The following SLITRK5 variants were observed in gnomAD, a reference collection of about 807,000 sequenced individuals.
SLITRK5 encodes SLIT and NTRK like family member 5.
Under a neutral mutation model 56.2 loss-of-function variants are expected in SLITRK5, and 23 were observed. The ratio of observed to expected loss-of-function variants is 0.41; its 90% CI spans 0.29 to 0.58. SLITRK5 has a LOEUF of 0.58. Among genes scored for constraint, SLITRK5 ranks in the 20% least tolerant of loss-of-function variants. SLITRK5 has a pLI of 0.30. For missense variants in SLITRK5, 1,289 were observed against 1,226.6 expected (o/e 1.05, Z -0.76); for synonymous variants, 637 against 531.8 (o/e 1.20, Z -2.72).
Position 87,676,951 on chromosome 13 carries a change from C to G in SLITRK5, c.1563C>G (p.Pro521=). The G allele has an allele frequency of 6.2e-7, 1 of 1,614,170 alleles. No individual in the cohort carries two copies. Among genetic ancestry groups the G allele is most frequent in the East Asian group, 2.2e-5 (1 of 44,854 alleles). The change falls in exon 2 of 2, where the codon CCC becomes CCG. Residue 521 remains proline, a synonymous_variant. Coordinates refer to ENST00000683689, the MANE Select transcript of SLITRK5 (RefSeq NM_001384609.1). ...ATAACAACCTCCTGCAGGCCATGCCCTCAGGCGTCTTCTCTGGCTTGACCC... is the reference window on the plus strand; with the variant it reads ...ATAACAACCTCCTGCAGGCCATGCCGTCAGGCGTCTTCTCTGGCTTGACCC... ...FLNNNLLQAM[P]SGVFSGLTLL...
Position 87,675,734 on chromosome 13 carries a change from G to C in SLITRK5, c.346G>C (p.Val116Leu). ...TTCAATTTTGCATCTAGGTAGCAAT[G>C]TTATCCAGGACATTGAGACCGGGGC... is the stretch of plus-strand genomic sequence containing the variant. ...GASILHLGSN[V>L]IQDIETGAFH... The change falls in exon 2 of 2, where the codon GTT becomes CTT. Residue 116 changes from valine to leucine, a missense_variant. By Grantham distance (32) the Val-to-Leu change is conservative. This residue lies in a region of SLITRK5 where 291 missense variants were observed against 286.7 expected (regional missense o/e 1.02). Coordinates refer to ENST00000683689, the MANE Select transcript of SLITRK5 (RefSeq NM_001384609.1). 1.2e-6 allele frequency: 2 copies of C among 1,614,164 alleles called. No homozygotes were observed. The highest frequency in any genetic ancestry group is 1.7e-6 in the Non-Finnish European group (2 of 1,180,030).
rs777262709 is a variant in SLITRK5 at position 87,677,516 on chromosome 13, T to C, written c.2128T>C (p.Phe710Leu). Residue 710 changes from phenylalanine (F) to leucine (L), a missense_variant, in exon 2 of 2, where the codon TTT becomes CTT. Phe to Leu is a conservative substitution (Grantham distance 22). Around this residue, in one of 3 missense-constraint regions of SLITRK5, gnomAD observed 985 missense variants for 906.0 expected, o/e 1.09. Transcript: ENST00000683689. This position sits in a 1 kb window ranked among gnomAD's most constrained non-coding sequence, Gnocchi z 4.7. The stretch of plus-strand genomic sequence containing the variant: ...CACCAACAACTCCGACGTGAGCTCC[T>C]TTAACATGCAGTACAGCGTGTACGG... ...TSTNNSDVSS[F>L]NMQYSVYGGG... 1 of 1,612,102 alleles carries C rather than the reference T, an allele frequency of 6.2e-7. No individual in the cohort carries two copies.
Position 87,678,147 on chromosome 13 carries a change from C to G in SLITRK5, c.2759C>G (p.Pro920Arg), listed in dbSNP as rs777072239. The change falls in exon 2 of 2, where the codon CCG becomes CGG. Residue 920 changes from proline to arginine, a missense_variant. By Grantham distance (103) the Pro-to-Arg change is moderately radical (BLOSUM62 -2). Coordinates refer to ENST00000683689, the MANE Select transcript of SLITRK5 (RefSeq NM_001384609.1). ...CGGGAACCGGTGCTCTACAGCCCCC[C>G]GAGTGCTGTCTTTGTAGAACCCAAC... ...RLREPVLYSPPSAVFVEPNRN... is the reference protein window; with the variant it reads ...RLREPVLYSPRSAVFVEPNRN... 6 of 1,614,050 alleles carry G rather than the reference C, an allele frequency of 3.7e-6. No homozygotes were observed. The highest frequency in any genetic ancestry group is 5.1e-6 in the Non-Finnish European group (6 of 1,180,030).
At chr13:87,674,369 C>A (rs1345074314) in intron 1 of SLITRK5, 1 of 984,846 alleles carries the variant, frequency 1.0e-6, no homozygotes, top group Non-Finnish European at 1.2e-6. Context: ...CCGTGCAAAC[C>A]TTGCTATTAC....
intron 1 of SLITRK5, among the ~76,000 whole-genome samples, chr13:87,674,652 T>G (rs1593971514): frequency 1.3e-5 from 2 of 152,160 alleles, no homozygotes; most frequent in Non-Finnish European, 2.9e-5. Flanking sequence ...GTACCGTGCA[T>G]GCAATTAGGA....
Position 87,676,557 on chromosome 13 carries a change from A to G in SLITRK5, c.1169A>G (p.Asn390Ser). ...CTGCAGATCTCTGATCTGGGCCTCA[A>G]CGTAAACTGCCAGGAGCGAAAGATC... The part of the protein sequence containing the change: ...CNLQISDLGL[N>S]VNCQERKIES... The change falls in exon 2 of 2, where the codon AAC becomes AGC. Residue 390 changes from asparagine to serine, a missense_variant. This residue lies in a region of SLITRK5 where 985 missense variants were observed against 906.0 expected (regional missense o/e 1.09). Transcript: ENST00000683689. 1 of 1,614,152 alleles carries G rather than the reference A, an allele frequency of 6.2e-7. No individual in the cohort carries two copies. The highest frequency in any genetic ancestry group is 8.5e-7 in the Non-Finnish European group (1 of 1,180,026).
rs562548576 is a variant in SLITRK5 at position 87,671,915 on chromosome 13, G to A, written c.-303G>A. 1.3e-4 allele frequency among the ~76,000 whole-genome samples: 20 copies of A among 152,248 alleles called. No individual in the cohort carries two copies. Among genetic ancestry groups the A allele is most frequent in the African/African-American group, 4.6e-4 (19 of 41,558 alleles). ...AGCCGCCGCCTTCGCTGGAGCAGCCGAGGGGCCGGTGCCACCTTTGCTCGC... is the reference window on the plus strand; with the variant it reads ...AGCCGCCGCCTTCGCTGGAGCAGCCAAGGGGCCGGTGCCACCTTTGCTCGC... On this transcript the variant is annotated 5_prime_UTR_variant, in exon 1 of 2. Coordinates refer to ENST00000683689, the MANE Select transcript of SLITRK5 (RefSeq NM_001384609.1).
rs780690054 is a variant in SLITRK5 at position 87,676,049 on chromosome 13, T to C, written c.661T>C (p.Leu221=). The C allele has an allele frequency of 1.2e-5, 19 of 1,614,060 alleles. No individual in the cohort carries two copies. In the Admixed American group the frequency reaches 2.8e-4, roughly 24 times the overall value. Residue 221 remains leucine, a synonymous_variant, in exon 2 of 2, where the codon TTG becomes CTG. Transcript: ENST00000683689. ...RLKLLPYVGL[L]QHMDKVVELQ... Reference sequence around the variant, plus strand: ...GAAACTTCTGCCCTACGTGGGGCTCTTGCAGCACATGGATAAAGTTGTGGA... The same window carrying C: ...GAAACTTCTGCCCTACGTGGGGCTCCTGCAGCACATGGATAAAGTTGTGGA...
Position 87,677,419 on chromosome 13 carries a change from C to A in SLITRK5, c.2031C>A (p.Ser677=), listed in dbSNP as rs371995343. 3.1e-6 allele frequency: 5 copies of A among 1,613,522 alleles called. No individual in the cohort carries two copies. The highest frequency in any genetic ancestry group is 1.7e-5 in the Admixed American group (1 of 60,008). The change falls in exon 2 of 2, where the codon TCC becomes TCA. Residue 677 remains serine (S), a synonymous_variant. Coordinates refer to ENST00000683689, the MANE Select transcript of SLITRK5 (RefSeq NM_001384609.1). This position sits in a 1 kb window ranked among gnomAD's most constrained non-coding sequence, Gnocchi z 4.7. ...ILSLLLVFIM[S]VFVAAGLFVL... ...GCCTCCTGCTGGTTTTCATCATGTCCGTCTTCGTGGCCGCCGGGCTCTTCG... is the reference window on the plus strand; with the variant it reads ...GCCTCCTGCTGGTTTTCATCATGTCAGTCTTCGTGGCCGCCGGGCTCTTCG...
intron 1 of SLITRK5, among the ~76,000 whole-genome samples, chr13:87,673,234 A>T (rs1303910079): frequency 1.3e-5 from 2 of 149,752 alleles, no homozygotes; most frequent in East Asian, 3.9e-4. Flanking sequence ...GAGAATGTTC[A>T]GCGCACCCGC....
intron 1 of SLITRK5, chr13:87,674,381 G>A: frequency 1.0e-6 from 1 of 985,158 alleles, no homozygotes; most frequent in Non-Finnish European, 1.2e-6. Flanking sequence ...TGCTATTACC[G>A]TTGCAAATAG....
At position 87,678,115 on chromosome 13, in the gene SLITRK5, C is replaced by T. The variant is rs748884733; in HGVS notation, c.2727C>T (p.Ser909=). ...HQYLHPGAGD[S]RLREPVLYSP... is the part of the protein sequence containing the mutation. ...ATTTGCACCCGGGGGCAGGGGACAG[C>T]AGGCTACGGGAACCGGTGCTCTACA... The change falls in exon 2 of 2, where the codon AGC becomes AGT. Residue 909 remains serine (S), a synonymous_variant. Transcript: ENST00000683689. The T allele has an allele frequency of 8.7e-6, 14 of 1,614,130 alleles. No homozygotes were observed. The Admixed American group carries it at 1.0e-4, about 12-fold the overall frequency.
chr13:87,675,792 A>C lies in SLITRK5; in HGVS notation c.404A>C (p.His135Pro). 6.2e-7 allele frequency: 1 copy of C among 1,614,124 alleles called. No homozygotes were observed. Residue 135 changes from histidine to proline, a missense_variant, in exon 2 of 2, where the codon CAT becomes CCT. This residue lies in a region of SLITRK5 where 291 missense variants were observed against 286.7 expected (regional missense o/e 1.02). Transcript: ENST00000683689. ...FHGLRGLRRL[H>P]LNNNKLELLR... ...GGGCTACGGGGTTTGAGGAGATTGC[A>C]TCTAAACAATAATAAACTGGAACTT...
At chr13:87,672,406 GCCTCCCCTCCCAGCAGCTCCC>G (rs1877071247) in intron 1 of SLITRK5, among the ~76,000 whole-genome samples, 197 bp downstream of exon 1, 1 of 151,150 alleles carries the variant, frequency 6.6e-6, no homozygotes, top group Admixed American at 6.6e-5. Flanking sequence ...CCCGCTCCGT[GCCTCCCCTCCCAGCAGCTCCC>G]CCTCCCCGCC....
chr13:87,671,922 C>T lies in SLITRK5; in HGVS notation c.-296C>T, dbSNP rs1459861715. 2.6e-5 allele frequency among the ~76,000 whole-genome samples: 4 copies of T among 152,124 alleles called. No homozygotes were observed. Among genetic ancestry groups the T allele is most frequent in the Non-Finnish European group, 5.9e-5 (4 of 68,014 alleles). Reference sequence around the variant, plus strand: ...GCCTTCGCTGGAGCAGCCGAGGGGCCGGTGCCACCTTTGCTCGCCCCCTCA... The same window carrying T: ...GCCTTCGCTGGAGCAGCCGAGGGGCTGGTGCCACCTTTGCTCGCCCCCTCA... On this transcript the variant is annotated 5_prime_UTR_variant, in exon 1 of 2. Coordinates refer to ENST00000683689, the MANE Select transcript of SLITRK5 (RefSeq NM_001384609.1).
chr13:87,672,356 G>A (rs952527654), intron 1 of SLITRK5, among the ~76,000 whole-genome samples, 147 bp downstream of exon 1: 2 of 152,032 alleles, frequency 1.3e-5, no homozygotes, highest in African/African-American at 2.4e-5. Context: ...ACGTTGGCGG[G>A]GCCGGCGGGG....
Position 87,677,934 on chromosome 13 carries a change from A to T in SLITRK5, c.2546A>T (p.Gln849Leu). 6.2e-7 allele frequency: 1 copy of T among 1,613,786 alleles called. No individual in the cohort carries two copies. The highest frequency in any genetic ancestry group is 8.5e-7 in the Non-Finnish European group (1 of 1,179,852). ...CGGGAGGACCTGCTGTCGCCGGTGC[A>T]GGACGCCGACCGCTTTTACAGGGGC... Reference protein sequence around the residue: ...EPREDLLSPVQDADRFYRGIL... With the variant: ...EPREDLLSPVLDADRFYRGIL... The change falls in exon 2 of 2, where the codon CAG becomes CTG. Residue 849 changes from glutamine to leucine, a missense_variant. This residue lies in a region of SLITRK5 where 985 missense variants were observed against 906.0 expected (regional missense o/e 1.09). Coordinates refer to ENST00000683689, the MANE Select transcript of SLITRK5 (RefSeq NM_001384609.1). The surrounding 1 kb of genome is among the most constrained non-coding windows in gnomAD (Gnocchi z 4.7).
Position 87,677,902 on chromosome 13 carries a change from C to A in SLITRK5, c.2514C>A (p.Ile838=). ...LRSPAYSVST[I]EPREDLLSPV... ...GCCCCGCCTACAGCGTCAGCACCAT[C>A]GAGCCCCGGGAGGACCTGCTGTCGC... Residue 838 remains isoleucine (I), a synonymous_variant, in exon 2 of 2, where the codon ATC becomes ATA. Coordinates refer to ENST00000683689, the MANE Select transcript of SLITRK5 (RefSeq NM_001384609.1). The surrounding 1 kb of genome is among the most constrained non-coding windows in gnomAD (Gnocchi z 4.7). The A allele has an allele frequency of 1.2e-6, 2 of 1,613,294 alleles. No individual in the cohort carries two copies. The highest frequency in any genetic ancestry group is 1.1e-5 in the South Asian group (1 of 91,028).
rs780028089 is a variant in SLITRK5 at position 87,676,471 on chromosome 13, C to T, written c.1083C>T (p.Ser361=). 1 of 1,613,986 alleles carries T rather than the reference C, an allele frequency of 6.2e-7. No homozygotes were observed. Among genetic ancestry groups the T allele is most frequent in the Non-Finnish European group, 8.5e-7 (1 of 1,180,024 alleles). Residue 361 remains serine (S), a synonymous_variant, in exon 2 of 2, where the codon AGC becomes AGT. Transcript: ENST00000683689. The part of the protein sequence containing the change: ...KDLGYSNYGP[S]IAYQTKSPVP... Reference sequence around the variant, plus strand: ...TGGGCTACAGCAACTATGGCCCCAGCATCGCCTATCAGACCAAATCCCCGG... The same window carrying T: ...TGGGCTACAGCAACTATGGCCCCAGTATCGCCTATCAGACCAAATCCCCGG...
Sources: gnomAD v4.1 joint callset for allele counts (sites outside exome capture counted in the v4.1 genomes callset) on GRCh38, gnomAD v4.1.1 for gene constraint, gnomAD v4.1.1 regional missense constraint, Gnocchi (gnomAD v3.1) non-coding constraint, MANE v1.5 for transcripts, NCBI Gene and HGNC (gene_info 2026-07-23, HGNC 2026-07-21) for gene names.